KCNQ1: variants seen among roughly 807,000 people sequenced by gnomAD.
The protein encoded by KCNQ1 is potassium voltage-gated channel subfamily KQT member 1.
KCNQ1 carries 49 observed loss-of-function variants against 72.4 expected under a neutral mutation model. The ratio of observed to expected loss-of-function variants is 0.68; its 90% CI spans 0.54 to 0.86. The LOEUF (loss-of-function observed/expected upper bound fraction) is 0.86, where lower values mean the gene tolerates loss of function less well. KCNQ1 is among the 40% of genes least tolerant of loss of function. The pLI is 0.00. For missense variants in KCNQ1, 790 were observed against 945.1 expected (o/e 0.84, Z 2.15); for synonymous variants, 450 against 412.6 (o/e 1.09, Z -1.10).
Position 2,817,208 on chromosome 11 carries a change from G to A in KCNQ1, c.1795-30559G>A, listed in dbSNP as rs777907319. 3.3e-5 allele frequency among the ~76,000 whole-genome samples: 5 copies of A among 152,226 alleles called. No homozygotes were observed. The highest frequency in any genetic ancestry group is 1.3e-4 in the Admixed American group (2 of 15,280). On this transcript the variant is annotated intron_variant, in intron 15 of 15. Coordinates refer to ENST00000155840, the MANE Select transcript of KCNQ1 (RefSeq NM_000218.3). The surrounding 1 kb of genome is among the most constrained non-coding windows in gnomAD (Gnocchi z 6.1). ...TGCAAGCTCCTCACGGCACCAGTGC[G>A]CTTGCCTTTGACATGAAAATGTTTT...
rs1303624718 is a variant in KCNQ1 at position 2,711,817 on chromosome 11, G to A, written c.1514+49736G>A. The stretch of plus-strand genomic sequence containing the variant: ...TCTCAAATCCACTCAGCAGACTTAG[G>A]AGGGAGGGTCCTGGCACTGCTTCTG... On this transcript the variant is annotated intron_variant, in intron 11 of 15. Coordinates refer to ENST00000155840, the MANE Select transcript of KCNQ1 (RefSeq NM_000218.3). This position sits in a 1 kb window ranked among gnomAD's most constrained non-coding sequence, Gnocchi z 5.4. Among the ~76,000 whole-genome samples the A allele has an allele frequency of 6.6e-6, 1 of 152,158 alleles. No individual in the cohort carries two copies. The highest frequency in any genetic ancestry group is 1.5e-5 in the Non-Finnish European group (1 of 68,032).
intron 15 of KCNQ1, among the ~76,000 whole-genome samples, chr11:2,812,840 T>A (rs1187125699): frequency 1.3e-5 from 2 of 152,238 alleles, no homozygotes; most frequent in African/African-American, 4.8e-5. Flanking sequence ...GGCTTCCGCC[T>A]CAAGGCCTCT....
At chr11:2,751,041 A>G (rs1161653679) in intron 11 of KCNQ1, among the ~76,000 whole-genome samples, 1 of 152,180 alleles carries the variant, frequency 6.6e-6, no homozygotes, top group African/African-American at 2.4e-5. Flanking sequence ...GGCTCTGTGC[A>G]GGCAGCCTCA....
rs1428484725 is a variant in KCNQ1 at position 2,823,554 on chromosome 11, G to C, written c.1795-24213G>C. ...GACAGAACAGGGAGGTCCAAGCCCA[G>C]CAGCTGGCTCAGGGCTACAGGCCTC... On this transcript the variant is annotated intron_variant, in intron 15 of 15. Coordinates refer to ENST00000155840, the MANE Select transcript of KCNQ1 (RefSeq NM_000218.3). Among the ~76,000 whole-genome samples, 3 of 152,362 alleles carry C rather than the reference G, an allele frequency of 2.0e-5. No homozygotes were observed. The East Asian group carries it at 5.8e-4, about 29-fold the overall frequency.
intron 11 of KCNQ1, among the ~76,000 whole-genome samples, chr11:2,708,253 T>C (rs1315667811): frequency 1.3e-5 from 2 of 152,200 alleles, no homozygotes; most frequent in African/African-American, 2.4e-5. Flanking sequence ...GAGACTTGAC[T>C]TTGACACTCT....
At chr11:2,812,499 C>T (rs1439259919) in intron 15 of KCNQ1, among the ~76,000 whole-genome samples, 4 of 152,200 alleles carry the variant, frequency 2.6e-5, no homozygotes, top group Admixed American at 1.3e-4. Flanking sequence ...CAGCCTCTGC[C>T]GGGGCCGGAA....
chr11:2,647,571 A>C lies in KCNQ1; in HGVS notation c.1394-14390A>C, dbSNP rs968972048. ...AGTCTTTTGGAATTGTCTGAGAAGAATTCATGTTAGTTCTTTAAAGGTTTG... is the reference window on the plus strand; with the variant it reads ...AGTCTTTTGGAATTGTCTGAGAAGACTTCATGTTAGTTCTTTAAAGGTTTG... On this transcript the variant is annotated intron_variant, in intron 10 of 15. Coordinates refer to ENST00000155840, the MANE Select transcript of KCNQ1 (RefSeq NM_000218.3). This position sits in a 1 kb window ranked among gnomAD's most constrained non-coding sequence, Gnocchi z 4.0. The C allele has an allele frequency of 2.3e-5, 9 of 398,454 alleles. No homozygotes were observed. The East Asian group carries it at 2.9e-4, about 13-fold the overall frequency. 24.7% of individuals were successfully genotyped at this position (398,454 alleles called of 1,614,324 possible).
intron 11 of KCNQ1, among the ~76,000 whole-genome samples, chr11:2,749,918 C>G (rs1195793889): frequency 1.3e-5 from 2 of 151,726 alleles, no homozygotes; most frequent in African/African-American, 4.8e-5. Flanking sequence ...TGAGATCATG[C>G]CACTGCACTC....
Position 2,652,775 on chromosome 11 carries a change from G to A in KCNQ1, c.1394-9186G>A, listed in dbSNP as rs1274496231. ...TCTGTCACTGCCTGTCTTCCTCAGC[G>A]CCCCCGCTACTCAGACCCCACCCTT... On this transcript the variant is annotated intron_variant, in intron 10 of 15. Transcript: ENST00000155840. This position sits in a 1 kb window ranked among gnomAD's most constrained non-coding sequence, Gnocchi z 5.9. The A allele has an allele frequency of 1.3e-5, 5 of 398,974 alleles. No homozygotes were observed. Among genetic ancestry groups the A allele is most frequent in the South Asian group, 2.5e-4 (2 of 7,860 alleles). 24.7% of individuals were successfully genotyped at this position (398,974 alleles called of 1,614,324 possible). A position where few individuals can be genotyped will look rare whatever the true frequency, so the allele number is the denominator to read the frequency against.
At chr11:2,829,759 A>G (rs1847903943) in intron 15 of KCNQ1, among the ~76,000 whole-genome samples, 1 of 152,072 alleles carries the variant, frequency 6.6e-6, no homozygotes, top group Admixed American at 6.5e-5. Context: ...AAGCCAAGAG[A>G]TAGTCGGTAG....
At position 2,617,220 on chromosome 11, in the gene KCNQ1, T is replaced by C; in HGVS notation, c.1393+28366T>C. The C allele has an allele frequency of 2.5e-6, 1 of 398,386 alleles. No individual in the cohort carries two copies. The highest frequency in any genetic ancestry group is 4.4e-6 in the Non-Finnish European group (1 of 225,922). 24.7% of individuals were successfully genotyped at this position (398,386 alleles called of 1,614,324 possible). On this transcript the variant is annotated intron_variant, in intron 10 of 15. Transcript: ENST00000155840. This position sits in a 1 kb window ranked among gnomAD's most constrained non-coding sequence, Gnocchi z 4.6. Reference sequence around the variant, plus strand: ...CTTGGTATCCTTTGACCTACATCTTTCCATTTTCTTCCCCCACACCTTGCC... The same window carrying C: ...CTTGGTATCCTTTGACCTACATCTTCCCATTTTCTTCCCCCACACCTTGCC...
Position 2,449,645 on chromosome 11 carries a change from C to T in KCNQ1, c.386+4161C>T, listed in dbSNP as rs183612783. On this transcript the variant is annotated intron_variant, in intron 1 of 15. Coordinates refer to ENST00000155840, the MANE Select transcript of KCNQ1 (RefSeq NM_000218.3). ...GCTCCAGAGCTGGAAACAGGCTGTG[C>T]GGAGCTGAGTGCCTTTGGGGGCAGC... 4.6e-5 allele frequency among the ~76,000 whole-genome samples: 7 copies of T among 152,276 alleles called. No individual in the cohort carries two copies. The East Asian group carries it at 5.8e-4, about 13-fold the overall frequency.
rs377228423 is a variant in KCNQ1, at chr11:2,498,206, C to A, written c.387-29722C>A. On this transcript the variant is annotated intron_variant, in intron 1 of 15. Transcript: ENST00000155840. The surrounding 1 kb of genome is among the most constrained non-coding windows in gnomAD (Gnocchi z 4.8). The stretch of plus-strand genomic sequence containing the variant: ...TTAGCAGAGCTCATGCACTGTGCTG[C>A]GAGAATCCCCCTTGTCAGGATCAGC... 6.6e-6 allele frequency among the ~76,000 whole-genome samples: 1 copy of A among 152,166 alleles called. No homozygotes were observed. The highest frequency in any genetic ancestry group is 2.4e-5 in the African/African-American group (1 of 41,446).
At chr11:2,485,393 C>G (rs1846725615) in intron 1 of KCNQ1, among the ~76,000 whole-genome samples, 1 of 142,596 alleles carries the variant, frequency 7.0e-6, no homozygotes, top group African/African-American at 2.6e-5. Context: ...ACAAAACCAG[C>G]TCTTCAGCCT....
At position 2,483,793 on chromosome 11, in the gene KCNQ1, C is replaced by T. The variant is rs1310264988; in HGVS notation, c.386+38309C>T. Among the ~76,000 whole-genome samples, 7 of 152,236 alleles carry T rather than the reference C, an allele frequency of 4.6e-5. No individual in the cohort carries two copies. In the South Asian group the frequency reaches 1.5e-3, roughly 32 times the overall value. ...GCGGGTTCATTTGACCTTGACCACT[C>T]AGGTAGGAGTGTGTCAGCTGGGCTT... On this transcript the variant is annotated intron_variant, in intron 1 of 15. Transcript: ENST00000155840. The surrounding 1 kb of genome is among the most constrained non-coding windows in gnomAD (Gnocchi z 6.1).
At chr11:2,758,415 G>A (rs919877880) in intron 11 of KCNQ1, among the ~76,000 whole-genome samples, 5 of 152,194 alleles carry the variant, frequency 3.3e-5, no homozygotes, top group African/African-American at 7.2e-5. Context: ...AAATGTTGGC[G>A]AGGATGTGGA....
chr11:2,637,523 G>A (rs149483127), intron 10 of KCNQ1: 1 of 152,152 alleles, frequency 6.6e-6, no homozygotes, highest in African/African-American at 2.4e-5. Context: ...CTGAGTTCTA[G>A]TTTGATTGCA....
Position 2,474,011 on chromosome 11 carries a change from G to A in KCNQ1, c.386+28527G>A, listed in dbSNP as rs535409152. On this transcript the variant is annotated intron_variant, in intron 1 of 15. Coordinates refer to ENST00000155840, the MANE Select transcript of KCNQ1 (RefSeq NM_000218.3). ...GGTAAGCGGGCAGCCGGGCCAACCT[G>A]CTGCTTGGGGAAGGGCTGTGGCTGG... Among the ~76,000 whole-genome samples the A allele has an allele frequency of 1.8e-3, 275 of 152,378 alleles. 1 individual carries two copies. The highest frequency in any genetic ancestry group is 6.3e-3 in the African/African-American group (260 of 41,594).
intron 11 of KCNQ1, among the ~76,000 whole-genome samples, chr11:2,732,158 C>T (rs927476984): frequency 2.6e-5 from 4 of 152,244 alleles, no homozygotes; most frequent in Non-Finnish European, 5.9e-5. Context: ...AGCGGGGCTG[C>T]GGCCAGGCAG....
Sources: gnomAD v4.1 joint callset for allele counts (sites outside exome capture counted in the v4.1 genomes callset) on GRCh38, gnomAD v4.1.1 for gene constraint, Gnocchi (gnomAD v3.1) non-coding constraint, MANE v1.5 for transcripts, NCBI Gene and HGNC (gene_info 2026-07-23, HGNC 2026-07-21) for gene names.